The following ANTXR1 variants were observed in gnomAD, a reference collection of about 807,000 sequenced individuals.
ANTXR1 encodes ANTXR cell adhesion molecule 1.
A neutral mutation model predicts 78.1 loss-of-function variants in ANTXR1; 19 were observed. That is an observed-to-expected ratio of 0.24 (90% CI 0.17 to 0.36). The LOEUF (loss-of-function observed/expected upper bound fraction) is 0.36. Among genes scored for constraint, ANTXR1 ranks in the 10% least tolerant of loss-of-function variants. The probability of loss-of-function intolerance (pLI) is 1.00; values close to 1 mark genes in which losing one functional copy is unlikely to be tolerated. For synonymous variants in ANTXR1, 273 were observed against 260.5 expected (o/e 1.05, Z -0.46); for missense variants, 518 against 718.6 (o/e 0.72, Z 3.19).
chr2:69,091,149 C>A, intron 9 of ANTXR1, among the ~76,000 whole-genome samples: 1 of 151,076 alleles, frequency 6.6e-6, no homozygotes, highest in East Asian at 1.9e-4. Context: ...TGTCCAAATT[C>A]TCTTCTTTCA....
intron 1 of ANTXR1, among the ~76,000 whole-genome samples, chr2:69,034,598 T>C (rs1236651398): frequency 2.0e-5 from 3 of 150,682 alleles, no homozygotes; most frequent in Non-Finnish European, 4.4e-5. Flanking sequence ...CATCCACTGA[T>C]TTCTAGAACG....
intron 15 of ANTXR1, 114 bp from the exon 16 acceptor site, chr2:69,182,379 G>T: frequency 7.6e-7 from 1 of 1,316,182 alleles, no homozygotes; most frequent in South Asian, 1.3e-5. Context: ...AAAACCCAAA[G>T]GAATCCAGGG....
chr2:69,047,142 G>T (rs575144619), intron 3 of ANTXR1, among the ~76,000 whole-genome samples: 15 of 152,286 alleles, frequency 9.8e-5, no homozygotes, highest in African/African-American at 3.4e-4. Flanking sequence ...AGGGCTGTCT[G>T]CAGGACTTGA....
At chr2:69,203,693 CCT>C (rs1674828348) in intron 17 of ANTXR1, among the ~76,000 whole-genome samples, 1 of 152,066 alleles carries the variant, frequency 6.6e-6, no homozygotes, top group African/African-American at 2.4e-5. Context: ...ATCTGATCCC[CCT>C]TTTTCCACAA....
At position 69,158,567 on chromosome 2, in the gene ANTXR1, G is replaced by A. The variant is rs953440815; in HGVS notation, c.1047+6303G>A. Among the ~76,000 whole-genome samples the A allele has an allele frequency of 3.9e-5, 6 of 152,140 alleles. No individual in the cohort carries two copies. The East Asian group carries it at 7.7e-4, about 20-fold the overall frequency. On this transcript the variant is annotated intron_variant, in intron 13 of 17. Coordinates refer to ENST00000303714, the MANE Select transcript of ANTXR1 (RefSeq NM_032208.3). ...ATGGTGGTTCAACTTAGAATTTTTCGACTTTGTAATGGTATGAAAGCTGTG... is the reference window on the plus strand; with the variant it reads ...ATGGTGGTTCAACTTAGAATTTTTCAACTTTGTAATGGTATGAAAGCTGTG...
Position 69,073,088 on chromosome 2 carries a change from A to T in ANTXR1, c.479A>T (p.Tyr160Phe). ...DGELHEDLFFYSEREANRSRD... is the reference protein window; with the variant it reads ...DGELHEDLFFFSEREANRSRD... ...GAACTCCATGAAGATCTCTTTTTCT[A>T]TTCAGAGAGGGAGGTAAGCAACGGC... The change falls in exon 6 of 18, where the codon TAT becomes TTT. Residue 160 changes from tyrosine to phenylalanine, a missense_variant. Tyr to Phe is a conservative substitution (Grantham distance 22). Coordinates refer to ENST00000303714, the MANE Select transcript of ANTXR1 (RefSeq NM_032208.3). 1 of 1,613,980 alleles carries T rather than the reference A, an allele frequency of 6.2e-7. No individual in the cohort carries two copies. The highest frequency in any genetic ancestry group is 8.5e-7 in the Non-Finnish European group (1 of 1,179,876).
chr2:69,244,997 G>A (rs1385060735), intron 17 of ANTXR1, among the ~76,000 whole-genome samples: 5 of 152,042 alleles, frequency 3.3e-5, no homozygotes, highest in Non-Finnish European at 7.3e-5. Flanking sequence ...TCTCCCACTT[G>A]AGAGAGTTAG....
chr2:69,104,550 T>A (rs1246743718), intron 10 of ANTXR1, among the ~76,000 whole-genome samples: 1 of 152,174 alleles, frequency 6.6e-6, no homozygotes, highest in Non-Finnish European at 1.5e-5. Flanking sequence ...AGTTCTTTCT[T>A]TTTTCTCCCT....
chr2:69,049,607 C>A (rs540613346), intron 3 of ANTXR1, among the ~76,000 whole-genome samples: 1 of 152,132 alleles, frequency 6.6e-6, no homozygotes, highest in East Asian at 1.9e-4. Flanking sequence ...ACCACATCTG[C>A]CTTCTTATCC....
chr2:69,069,939 C>T (rs1402062807), intron 3 of ANTXR1, among the ~76,000 whole-genome samples: 2 of 152,090 alleles, frequency 1.3e-5, no homozygotes, highest in African/African-American at 4.8e-5. Context: ...CCCTTTTTGG[C>T]ACAATATGGA....
chr2:69,160,114 C>T (rs1673638289), intron 13 of ANTXR1, among the ~76,000 whole-genome samples: 1 of 152,190 alleles, frequency 6.6e-6, no homozygotes, highest in South Asian at 2.1e-4. Flanking sequence ...CAGCCTCCAC[C>T]CATTCCCATA....
intron 11 of ANTXR1, among the ~76,000 whole-genome samples, chr2:69,124,343 C>T (rs560894633): frequency 1.3e-5 from 2 of 152,324 alleles, no homozygotes; most frequent in African/African-American, 4.8e-5. Context: ...ACCAGCCAAG[C>T]ATATCCTGAC....
chr2:69,182,892 G>A, intron 16 of ANTXR1: 1 of 571,296 alleles, frequency 1.8e-6, no homozygotes, highest in Non-Finnish European at 3.1e-6. Context: ...CACTTCTGCA[G>A]CACATATAGT....
intron 10 of ANTXR1, among the ~76,000 whole-genome samples, chr2:69,116,553 G>A (rs1672149193): frequency 6.6e-6 from 1 of 152,098 alleles, no homozygotes; most frequent in East Asian, 1.9e-4. Context: ...GTTATATTTG[G>A]CTCTGGAATG....
chr2:69,075,480 C>T, intron 6 of ANTXR1, 110 bp from the exon 7 acceptor site: 2 of 1,047,600 alleles, frequency 1.9e-6, no homozygotes, highest in South Asian at 1.3e-5. Flanking sequence ...GCACCAGGCA[C>T]ATGGTAGGTG....
intron 6 of ANTXR1, among the ~76,000 whole-genome samples, chr2:69,074,981 T>G (rs1451329538): frequency 1.3e-5 from 2 of 152,186 alleles, no homozygotes; most frequent in Non-Finnish European, 2.9e-5. Flanking sequence ...AATGCTTAAT[T>G]GTAGAGATCA....
chr2:69,013,722 C>T lies in ANTXR1; in HGVS notation c.152+71C>T, dbSNP rs1670938573. On this transcript the variant is annotated intron_variant, in intron 1 of 17. Transcript: ENST00000303714. This position sits in a 1 kb window ranked among gnomAD's most constrained non-coding sequence, Gnocchi z 5.0. The stretch of plus-strand genomic sequence containing the variant: ...AAACGCTTTCGCCCCGGGCCGGGCT[C>T]GTTGGCAGGGTCGCCTGGGGACAGG... The T allele has an allele frequency of 5.8e-6, 9 of 1,550,348 alleles. No homozygotes were observed. In the South Asian group the frequency reaches 8.3e-5, roughly 14 times the overall value.
At chr2:69,195,135 T>C (rs538558551) in intron 17 of ANTXR1, among the ~76,000 whole-genome samples, 1 of 146,246 alleles carries the variant, frequency 6.8e-6, no homozygotes, top group South Asian at 2.1e-4. Context: ...ACCACTGCAC[T>C]CCAGCCTGGC....
At chr2:69,167,310 G>A (rs1039143177) in intron 13 of ANTXR1, among the ~76,000 whole-genome samples, 2 of 152,226 alleles carry the variant, frequency 1.3e-5, no homozygotes, top group Non-Finnish European at 2.9e-5. Flanking sequence ...CTATTTTTAA[G>A]GCTACTCTGT....
Sources: gnomAD v4.1 joint callset for allele counts (sites outside exome capture counted in the v4.1 genomes callset) on GRCh38, gnomAD v4.1.1 for gene constraint, Gnocchi (gnomAD v3.1) non-coding constraint, MANE v1.5 for transcripts, NCBI Gene and HGNC (gene_info 2026-07-23, HGNC 2026-07-21) for gene names.